HOMEZ: variants seen among roughly 807,000 people sequenced by gnomAD.
HOMEZ encodes homeobox and leucine zipper encoding.
HOMEZ carries 20 observed loss-of-function variants against 50.1 expected under a neutral mutation model. The ratio of observed to expected loss-of-function variants is 0.40; its 90% CI spans 0.28 to 0.58. HOMEZ has a LOEUF of 0.58. Ranked by LOEUF, HOMEZ falls within the 20% of genes least tolerant of loss-of-function variation. The pLI is 0.46. For missense variants in HOMEZ, 579 were observed against 680.5 expected (o/e 0.85, Z 1.66); for synonymous variants, 239 against 254.7 (o/e 0.94, Z 0.59).
intron 1 of HOMEZ, chr14:23,284,906 C>G (rs888589480): frequency 2.0e-5 from 3 of 152,190 alleles, no homozygotes; most frequent in Non-Finnish European, 4.4e-5. Context: ...ACCTGGGAAG[C>G]TTAAAAACCA....
At chr14:23,280,704 T>TTTTATTTTATTTTATTTTTGTATATTTTA (rs1555323526) in intron 1 of HOMEZ, among the ~76,000 whole-genome samples, 1 of 86,520 alleles carries the variant, frequency 1.2e-5, no homozygotes, top group African/African-American at 3.7e-5. Flanking sequence ...TATTTTTATA[T>TTTTATTTTATTTTATTTTTGTATATTTTA]TTTTATTTTT....
rs1886309878 is a variant in HOMEZ at position 23,275,017 on chromosome 14, A to G, written c.*558T>C. The stretch of plus-strand genomic sequence containing the variant: ...AGGAAATATTAATATTTGTGATGAG[A>G]CTGGGACTTATTGAGAATCTTGGTT... On this transcript the variant is annotated 3_prime_UTR_variant, in exon 2 of 2. Transcript: ENST00000357460. 1 of 152,424 alleles carries G rather than the reference A, an allele frequency of 6.6e-6. No individual in the cohort carries two copies. The highest frequency in any genetic ancestry group is 2.1e-4 in the South Asian group (1 of 4,834). The allele number at this position is 152,424 out of a possible 1,614,324, so 9.4% of individuals were successfully genotyped here.
rs1408386578 is a variant in HOMEZ at position 23,275,616 on chromosome 14, C to CA, written c.1611_1612insT (p.Asp538Ter). ...ACATCATCATCATCATCATCATCATCTTCCTCCTCCTCCTCCTCCTCTTCC... is the reference window on the plus strand; with the variant it reads ...ACATCATCATCATCATCATCATCATCATTCCTCCTCCTCCTCCTCCTCTTCC... On this transcript the variant is annotated frameshift_variant, in exon 2 of 2. Transcript: ENST00000357460. LOFTEE classifies it high-confidence loss of function. The CA allele has an allele frequency of 9.1e-6, 10 of 1,094,838 alleles. No individual in the cohort carries two copies. The highest frequency in any genetic ancestry group is 5.1e-5 in the Admixed American group (2 of 39,462). 67.8% of individuals were successfully genotyped at this position (1,094,838 alleles called of 1,614,324 possible).
chr14:23,275,524 C>T lies in HOMEZ; in HGVS notation c.*51G>A. On this transcript the variant is annotated 3_prime_UTR_variant, in exon 2 of 2. Coordinates refer to ENST00000357460, the MANE Select transcript of HOMEZ (RefSeq NM_020834.3). ...TGTGGTTTCTTTGTTTAAACAGTTA[C>T]TAAGTTGGTTCATCTTTCAGTAACA... 1.3e-6 allele frequency: 2 copies of T among 1,492,836 alleles called. No individual in the cohort carries two copies. Among genetic ancestry groups the T allele is most frequent in the Non-Finnish European group, 1.8e-6 (2 of 1,120,404 alleles). The allele number at this position is 1,492,836 out of a possible 1,614,324, so 92.5% of individuals were successfully genotyped here.
rs1385824664 is a variant in HOMEZ at position 23,275,544 on chromosome 14, G to A, written c.*31C>T. On this transcript the variant is annotated 3_prime_UTR_variant, in exon 2 of 2. Transcript: ENST00000357460. ...AGTTACTAAGTTGGTTCATCTTTCA[G>A]TAACAGACCTCCCCTCCCCCAGCTC... 43 of 1,519,270 alleles carry A rather than the reference G, an allele frequency of 2.8e-5. No individual in the cohort carries two copies. Among genetic ancestry groups the A allele is most frequent in the Middle Eastern group, 1.9e-4 (1 of 5,232 alleles). 94.1% of individuals were successfully genotyped at this position (1,519,270 alleles called of 1,614,324 possible).
chr14:23,285,892 A>C (rs1381772635), intron 1 of HOMEZ, 21 bp downstream of exon 1: 4 of 1,239,930 alleles, frequency 3.2e-6, no homozygotes, highest in Non-Finnish European at 4.1e-6. Flanking sequence ...GGGGAAGTCC[A>C]AGGGGCTGGG....
chr14:23,280,787 T>TATTTTAATTTTA (rs1886536914), intron 1 of HOMEZ, among the ~76,000 whole-genome samples: 1 of 145,994 alleles, frequency 6.8e-6, no homozygotes, highest in African/African-American at 2.5e-5. Flanking sequence ...TATTTTATTT[T>TATTTTAATTTTA]ATTTGGAGAC....
rs1723952686 is a variant in HOMEZ at position 23,274,616 on chromosome 14, A to T, written c.*959T>A. The T allele has an allele frequency of 6.6e-6, 1 of 152,636 alleles. No homozygotes were observed. The highest frequency in any genetic ancestry group is 2.4e-5 in the African/African-American group (1 of 41,452). The allele number at this position is 152,636 out of a possible 1,614,324, so 9.5% of individuals were successfully genotyped here. A position where few individuals can be genotyped will look rare whatever the true frequency, so the allele number is the denominator to read the frequency against. On this transcript the variant is annotated 3_prime_UTR_variant, in exon 2 of 2. Coordinates refer to ENST00000357460, the MANE Select transcript of HOMEZ (RefSeq NM_020834.3). The stretch of plus-strand genomic sequence containing the variant: ...CAAGGCAAAGTGGTCACAGCATAAG[A>T]ACTGAAAATAGCCGGGCACGGTGGC...
In HOMEZ at chr14:23,275,833, G is replaced by T. The variant is rs1341326628; in HGVS notation, c.1395C>A (p.Pro465=). The T allele has an allele frequency of 3.1e-6, 5 of 1,602,942 alleles. No homozygotes were observed. The South Asian group carries it at 5.6e-5, about 18-fold the overall frequency. ...PIPPPPPDIQ[P]LERYWAAHQQ... ...GGTGGGCTGCCCAGTACCTCTCCAAGGGTTGTATATCCGGTGGGGGTGGAG... is the reference window on the plus strand; with the variant it reads ...GGTGGGCTGCCCAGTACCTCTCCAATGGTTGTATATCCGGTGGGGGTGGAG... The change falls in exon 2 of 2, where the codon CCC becomes CCA. Residue 465 remains proline, a synonymous_variant. Transcript: ENST00000357460.
Position 23,272,864 on chromosome 14 carries a change from G to A in HOMEZ, c.*2711C>T. On this transcript the variant is annotated 3_prime_UTR_variant, in exon 2 of 2. Coordinates refer to ENST00000357460, the MANE Select transcript of HOMEZ (RefSeq NM_020834.3). ...GGAGGCATATGGGATTACCCAGTGGGAGAGAAGCATGGACCACTTCTAGAT... is the reference window on the plus strand; with the variant it reads ...GGAGGCATATGGGATTACCCAGTGGAAGAGAAGCATGGACCACTTCTAGAT... 1 of 1,547,340 alleles carries A rather than the reference G, an allele frequency of 6.5e-7. No individual in the cohort carries two copies. Among genetic ancestry groups the A allele is most frequent in the Non-Finnish European group, 8.7e-7 (1 of 1,144,770 alleles).
chr14:23,276,045 A>T lies in HOMEZ; in HGVS notation c.1183T>A (p.Leu395Ile). Residue 395 changes from leucine (L) to isoleucine (I), a missense_variant, in exon 2 of 2, where the codon TTA (leucine) becomes ATA (isoleucine). Transcript: ENST00000357460. This position sits in a 1 kb window ranked among gnomAD's most constrained non-coding sequence, Gnocchi z 4.1. The stretch of plus-strand genomic sequence containing the variant: ...CACTGAATGATCTCAGGCCGAGGTA[A>T]ACCAGTGATCTGTTCTAACTTTTGG... ...DYQKLEQITG[L>I]PRPEIIQWFG... 6.2e-7 allele frequency: 1 copy of T among 1,613,938 alleles called. No individual in the cohort carries two copies. The highest frequency in any genetic ancestry group is 8.5e-7 in the Non-Finnish European group (1 of 1,179,830).
Position 23,276,518 on chromosome 14 carries a change from G to C in HOMEZ, c.710C>G (p.Pro237Arg). The C allele has an allele frequency of 6.2e-7, 1 of 1,614,006 alleles. No individual in the cohort carries two copies. Among genetic ancestry groups the C allele is most frequent in the South Asian group, 1.1e-5 (1 of 91,080 alleles). The change falls in exon 2 of 2, where the codon CCC becomes CGC. Residue 237 changes from proline (P) to arginine (R), a missense_variant. Pro to Arg is a moderately radical substitution (Grantham distance 103, BLOSUM62 -2). Coordinates refer to ENST00000357460, the MANE Select transcript of HOMEZ (RefSeq NM_020834.3). The surrounding 1 kb of genome is among the most constrained non-coding windows in gnomAD (Gnocchi z 4.1). ...GLSKEQAGRGPNQSHGIGTAS... is the reference protein window; with the variant it reads ...GLSKEQAGRGRNQSHGIGTAS... ...AGTACCTATGCCATGTGACTGGTTGGGACCCCTGCCTGCCTGCTCCTTTGA... is the reference window on the plus strand; with the variant it reads ...AGTACCTATGCCATGTGACTGGTTGCGACCCCTGCCTGCCTGCTCCTTTGA...
In HOMEZ at chr14:23,272,528, G is replaced by A. The variant is rs1886183411; in HGVS notation, c.*3047C>T. 1 of 387,288 alleles carries A rather than the reference G, an allele frequency of 2.6e-6. No individual in the cohort carries two copies. The highest frequency in any genetic ancestry group is 4.7e-6 in the Non-Finnish European group (1 of 211,538). 24.0% of individuals were successfully genotyped at this position (387,288 alleles called of 1,614,324 possible). A position where few individuals can be genotyped will look rare whatever the true frequency, so the allele number is the denominator to read the frequency against. ...GAGGCCTAAGAACTCTGCCTCCCTG[G>A]TAGTCATCTCTGGGTGTGGTAGTCA... On this transcript the variant is annotated 3_prime_UTR_variant, in exon 2 of 2. Coordinates refer to ENST00000357460, the MANE Select transcript of HOMEZ (RefSeq NM_020834.3).
At chr14:23,279,688 G>T (rs1052732705) in intron 1 of HOMEZ, among the ~76,000 whole-genome samples, 5 of 152,122 alleles carry the variant, frequency 3.3e-5, no homozygotes, top group Admixed American at 3.3e-4. Flanking sequence ...TGCTATGTTG[G>T]CCAGGCTGGT....
At position 23,286,061 on chromosome 14, in the gene HOMEZ, G is replaced by GCC; in HGVS notation, c.-111_-110dup. 3 of 1,224,192 alleles carry GCC rather than the reference G, an allele frequency of 2.5e-6. No homozygotes were observed. The highest frequency in any genetic ancestry group is 3.1e-6 in the Non-Finnish European group (3 of 982,010). 75.8% of individuals were successfully genotyped at this position (1,224,192 alleles called of 1,614,324 possible). A position where few individuals can be genotyped will look rare whatever the true frequency, so the allele number is the denominator to read the frequency against. ...CCCAGCGATGGCCGAAACCGGGACT[G>GCC]CCCCCCCCACCGTCCCCGGGAGCGC... On this transcript the variant is annotated 5_prime_UTR_variant, in exon 1 of 2. Transcript: ENST00000357460.
Position 23,276,773 on chromosome 14 carries a change from A to G in HOMEZ, c.455T>C (p.Val152Ala), listed in dbSNP as rs765619841. ...TGGAGCTGGCACTGGAGGAGGAGGC[A>G]CCTCCTCTGGGGGCCGTCCCGCATG... ...THHAGRPPEEVPPPPVPAPEQ... is the reference protein window; with the variant it reads ...THHAGRPPEEAPPPPVPAPEQ... Residue 152 changes from valine to alanine, a missense_variant, in exon 2 of 2, where the codon GTG becomes GCG. Physicochemically the swap from Val to Ala is moderately conservative, Grantham distance 64 (BLOSUM62 0). Transcript: ENST00000357460. The surrounding 1 kb of genome is among the most constrained non-coding windows in gnomAD (Gnocchi z 4.1). The G allele has an allele frequency of 2.5e-6, 4 of 1,613,890 alleles. No individual in the cohort carries two copies. The South Asian group carries it at 4.4e-5, about 18-fold the overall frequency.
At chr14:23,283,987 T>C (rs1433336641) in intron 1 of HOMEZ, among the ~76,000 whole-genome samples, 1 of 152,166 alleles carries the variant, frequency 6.6e-6, no homozygotes, top group Non-Finnish European at 1.5e-5. Flanking sequence ...ACTCCTGAAA[T>C]GTGTTTGGGG....
Position 23,275,293 on chromosome 14 carries a change from A to ATTAAAAAATT in HOMEZ, c.*281_*282insAATTTTTTAA. On this transcript the variant is annotated 3_prime_UTR_variant, in exon 2 of 2. Transcript: ENST00000357460. ...AAAAAACAGCAGACACGAGGAGAGC[A>ATTAAAAAATT]AGAGCAGCTTCCCAGCCCATGGTTT... is the stretch of plus-strand genomic sequence containing the variant. The ATTAAAAAATT allele has an allele frequency of 2.2e-6, 1 of 449,442 alleles. No homozygotes were observed. Among genetic ancestry groups the ATTAAAAAATT allele is most frequent in the South Asian group, 4.0e-5 (1 of 24,966 alleles). 27.8% of individuals were successfully genotyped at this position (449,442 alleles called of 1,614,324 possible).
Position 23,285,999 on chromosome 14 carries a change from G to C in HOMEZ, c.-47C>G. On this transcript the variant is annotated 5_prime_UTR_variant, in exon 1 of 2. Coordinates refer to ENST00000357460, the MANE Select transcript of HOMEZ (RefSeq NM_020834.3). ...GAGGGCAGGGGGCCTCCGAGTGGGA[G>C]TGGGGTTGCTGCCCGGTGCGGCCGC... is the stretch of plus-strand genomic sequence containing the variant. The C allele has an allele frequency of 8.1e-7, 1 of 1,235,138 alleles. No homozygotes were observed. Among genetic ancestry groups the C allele is most frequent in the Non-Finnish European group, 1.0e-6 (1 of 985,848 alleles). The allele number at this position is 1,235,138 out of a possible 1,614,324, so 76.5% of individuals were successfully genotyped here.
Sources: allele counts gnomAD v4.1 joint callset (sites outside exome capture counted in the v4.1 genomes callset), GRCh38; gene constraint gnomAD v4.1.1; non-coding constraint Gnocchi (gnomAD v3.1); transcripts MANE v1.5; gene names NCBI Gene and HGNC (gene_info 2026-07-23, HGNC 2026-07-21).